Variants in CCND3 observed in about 807,000 individuals in gnomAD.
CCND3 encodes the protein G1/S-specific cyclin-D3.
A neutral mutation model predicts 28.7 loss-of-function variants in CCND3; 9 were observed. The observed-to-expected ratio is 0.31, with a 90% CI of 0.19 to 0.55. The LOEUF is 0.55. Ranked by LOEUF, CCND3 falls within the 20% of genes least tolerant of loss-of-function variation. The pLI is 0.93. For synonymous variants in CCND3, 164 were observed against 163.9 expected (o/e 1.00, Z 0.00); for missense variants, 315 against 385.8 (o/e 0.82, Z 1.54).
In CCND3 at chr6:42,044,956, C is replaced by CTTTTT. The variant is rs1562002036; in HGVS notation, c.-46+3544_-46+3545insAAAAA. Among the ~76,000 whole-genome samples the CTTTTT allele has an allele frequency of 4.8e-5, 6 of 123,950 alleles. 1 individual carries two copies. The highest frequency in any genetic ancestry group is 2.6e-4 in the Admixed American group (3 of 11,454). 81.3% of individuals were successfully genotyped at this position (123,950 alleles called of 152,430 possible). A position where few individuals can be genotyped will look rare whatever the true frequency, so the allele number is the denominator to read the frequency against. ...GGCCCGTGCGACCACGCCCGGCTAA[C>CTTTTT]GTTTTTTTTTTTTTTTTTTTTGTAT... On this transcript the variant is annotated intron_variant, in intron 1 of 4. Coordinates refer to the CCND3 transcript ENST00000372988.
chr6:41,951,962 A>C (rs371214116), intron 1 of CCND3, among the ~76,000 whole-genome samples: 38 of 152,016 alleles, frequency 2.5e-4, no homozygotes, highest in African/African-American at 8.7e-4. Flanking sequence ...CGGTTTCACC[A>C]TGTTGGCCAG....
At chr6:41,946,406 G>A (rs1253081525), upstream of CCND3, among the ~76,000 whole-genome samples, 1 of 151,266 alleles carries the variant, frequency 6.6e-6, no homozygotes, top group Admixed American at 6.6e-5. Context: ...AGACCGCCTG[G>A]CCAACACAGT....
At position 41,969,458 on chromosome 6, in the gene CCND3, T is replaced by C. The variant is rs1040603102; in HGVS notation, c.-45-28873A>G. 5.9e-5 allele frequency among the ~76,000 whole-genome samples: 9 copies of C among 151,710 alleles called. No homozygotes were observed. The South Asian group carries it at 1.0e-3, about 18-fold the overall frequency. On this transcript the variant is annotated intron_variant, in intron 1 of 4. Transcript: ENST00000372988. The stretch of plus-strand genomic sequence containing the variant: ...TTGAACCTGGGAGATAGAGGTTGAA[T>C]TGAGCCAAGAATGTGCCACTGCACT...
chr6:41,966,002 T>C (rs1354780133), intron 1 of CCND3, among the ~76,000 whole-genome samples: 1 of 152,214 alleles, frequency 6.6e-6, no homozygotes, highest in East Asian at 1.9e-4. Flanking sequence ...GCCTTTAGAC[T>C]GAGAGCTTAA....
chr6:41,937,021 C>T (rs368807640), intron 3 of CCND3: 1 of 619,432 alleles, frequency 1.6e-6, no homozygotes. Flanking sequence ...TCACTTCTCT[C>T]TATACCCTCA....
chr6:42,003,525 CAAA>C (rs61494473), intron 1 of CCND3, among the ~76,000 whole-genome samples: 1 of 73,504 alleles, frequency 1.4e-5, no homozygotes, highest in African/African-American at 8.1e-5. Flanking sequence ...GACTCTGTCT[CAAA>C]AAAAAAAAAA....
chr6:41,963,344 A>G (rs1761772444), intron 1 of CCND3, among the ~76,000 whole-genome samples: 1 of 152,252 alleles, frequency 6.6e-6, no homozygotes. Flanking sequence ...TGAGACACAC[A>G]GGTTGCCCAC....
intron 1 of CCND3, among the ~76,000 whole-genome samples, chr6:41,958,641 A>G (rs1776497037): frequency 6.6e-6 from 1 of 152,214 alleles, no homozygotes; most frequent in Non-Finnish European, 1.5e-5. Flanking sequence ...TGACTCAAGT[A>G]TGTGGGTTTG....
At position 41,996,277 on chromosome 6, in the gene CCND3, G is replaced by A. The variant is rs563397662; in HGVS notation, c.-46+52224C>T. On this transcript the variant is annotated intron_variant, in intron 1 of 4. Transcript: ENST00000372988. Reference sequence around the variant, plus strand: ...TGATTCTCCAGCCTCAGCCTCCTGAGTAGCTGGGATTACAGGCACACGCCA... The same window carrying A: ...TGATTCTCCAGCCTCAGCCTCCTGAATAGCTGGGATTACAGGCACACGCCA... Among the ~76,000 whole-genome samples, 7 of 151,672 alleles carry A rather than the reference G, an allele frequency of 4.6e-5. No individual in the cohort carries two copies. In the South Asian group the frequency reaches 1.3e-3, roughly 27 times the overall value.
intron 1 of CCND3, among the ~76,000 whole-genome samples, chr6:41,970,670 C>T (rs35247054): frequency 2.0e-5 from 3 of 152,240 alleles, no homozygotes; most frequent in African/African-American, 7.2e-5. Flanking sequence ...ATCCTTCCCT[C>T]TTCACCAAAG....
intron 1 of CCND3, among the ~76,000 whole-genome samples, chr6:41,963,578 G>A (rs1761777575): frequency 6.6e-6 from 1 of 152,224 alleles, no homozygotes; most frequent in Admixed American, 6.5e-5. Flanking sequence ...CAGGCAATCA[G>A]CCATGCTGTC....
chr6:41,988,701 T>TTTC (rs368736682), intron 1 of CCND3, among the ~76,000 whole-genome samples: 65,860 of 139,280 alleles, frequency 0.47, 16,240 homozygotes, highest in Middle Eastern at 0.63. Flanking sequence ...CTTCTTTTCT[T>TTTC]TTTTTTTTTT....
intron 1 of CCND3, among the ~76,000 whole-genome samples, chr6:42,028,643 A>C (rs970247779): frequency 1.3e-5 from 2 of 152,236 alleles, no homozygotes; most frequent in African/African-American, 4.8e-5. Flanking sequence ...TAAAGAGCTC[A>C]GGCTCCAAAG....
In CCND3 at chr6:41,941,266, C is replaced by G; in HGVS notation, c.198+186G>C. The G allele has an allele frequency of 1.4e-6, 2 of 1,435,512 alleles. No individual in the cohort carries two copies. Among genetic ancestry groups the G allele is most frequent in the South Asian group, 1.5e-5 (1 of 67,146 alleles). The allele number at this position is 1,435,512 out of a possible 1,614,324, so 88.9% of individuals were successfully genotyped here. On this transcript the variant is annotated intron_variant, in intron 1 of 4. Transcript: ENST00000372991. The surrounding 1 kb of genome is among the most constrained non-coding windows in gnomAD (Gnocchi z 6.1). ...GACTGGCAGTCACTGTCGGGAGGAG[C>G]CGATTAGGGCTCGGGAAAGCAAGGG...
At chr6:41,946,260 G>C (rs566348636), upstream of CCND3, among the ~76,000 whole-genome samples, 99 of 152,208 alleles carry the variant, frequency 6.5e-4, no homozygotes, top group South Asian at 4.4e-3. Flanking sequence ...CTGGCACGTG[G>C]TGAACCCTTT....
In CCND3 at chr6:41,936,586, C is replaced by G. The variant is rs11552780; in HGVS notation, c.684G>C (p.Leu228=). Residue 228 remains leucine, a synonymous_variant, in exon 4 of 5, where the codon CTG becomes CTC. Coordinates refer to ENST00000372991, the MANE Select transcript of CCND3 (RefSeq NM_001760.5). This position sits in a 1 kb window ranked among gnomAD's most constrained non-coding sequence, Gnocchi z 4.4. ...CSMSGDELTE[L]LAGITGTEVD... is the part of the protein sequence containing the mutation. ...CTTCAGTGCCAGTGATCCCTGCCAG[C>G]AGCTCTGTGAGCTCATCCCCGGACA... 2.9e-3 allele frequency: 4,676 copies of G among 1,614,206 alleles called. 12 individuals are homozygous for G. Among genetic ancestry groups the G allele is most frequent in the Non-Finnish European group, 3.5e-3 (4,089 of 1,180,018 alleles).
upstream of CCND3, among the ~76,000 whole-genome samples, chr6:41,944,515 G>A (rs927139081): frequency 1.3e-5 from 2 of 151,842 alleles, no homozygotes; most frequent in African/African-American, 2.4e-5. Flanking sequence ...TCTGCCTCCT[G>A]GTTTCAAGTG....
At chr6:42,047,041 TAGG>T (rs1244042874) in intron 1 of CCND3, among the ~76,000 whole-genome samples, 1 of 152,114 alleles carries the variant, frequency 6.6e-6, no homozygotes, top group African/African-American at 2.4e-5. Context: ...AGGACTATAT[TAGG>T]AGGTTTAAAT....
At chr6:41,999,304 A>C (rs1222282143) in intron 1 of CCND3, among the ~76,000 whole-genome samples, 1 of 152,022 alleles carries the variant, frequency 6.6e-6, no homozygotes, top group Admixed American at 6.6e-5. Flanking sequence ...GCTGGAGTGC[A>C]ATGGCACAAT....
Sources: allele counts gnomAD v4.1 joint callset (sites outside exome capture counted in the v4.1 genomes callset), GRCh38; gene constraint gnomAD v4.1.1; non-coding constraint Gnocchi (gnomAD v3.1); transcripts MANE v1.5; gene names NCBI Gene and HGNC (gene_info 2026-07-23, HGNC 2026-07-21).